The following VPS13B variants were observed in gnomAD, a reference collection of about 807,000 sequenced individuals.
The protein encoded by VPS13B is intermembrane lipid transfer protein VPS13B.
A neutral mutation model predicts 426.4 loss-of-function variants in VPS13B; 285 were observed. That is an observed-to-expected ratio of 0.67 (90% CI 0.61 to 0.74). The LOEUF (loss-of-function observed/expected upper bound fraction) is 0.74, where lower values mean the gene tolerates loss of function less well. VPS13B is among the 30% of genes least tolerant of loss of function. The pLI is 0.00. For missense variants in VPS13B, 4,537 were observed against 4,782.6 expected, an observed-to-expected ratio of 0.95 and a Z score of 1.51; for synonymous variants, 1,676 against 1,676.4, an observed-to-expected ratio of 1.00 and a Z score of 0.01.
chr8:99,076,097 ATTACT>A (rs1270477032), intron 3 of VPS13B, among the ~76,000 whole-genome samples: 3 of 152,056 alleles, frequency 2.0e-5, no homozygotes, highest in African/African-American at 4.8e-5. Context: ...AATGTTTTAA[ATTACT>A]TTATTAATGG....
At chr8:99,262,474 C>T (rs1424178650) in intron 17 of VPS13B, among the ~76,000 whole-genome samples, 1 of 152,072 alleles carries the variant, frequency 6.6e-6, no homozygotes, top group Non-Finnish European at 1.5e-5. Context: ...GTACACCTGT[C>T]TTATTAGTAT....
At chr8:99,337,716 A>G (rs540037672) in intron 19 of VPS13B, among the ~76,000 whole-genome samples, 2 of 152,126 alleles carry the variant, frequency 1.3e-5, no homozygotes, top group South Asian at 2.1e-4. Flanking sequence ...TAAAATTTTA[A>G]TACCTTGGTA....
chr8:99,315,709 T>G (rs1327544697), intron 19 of VPS13B, among the ~76,000 whole-genome samples: 2 of 152,014 alleles, frequency 1.3e-5, no homozygotes, highest in East Asian at 3.9e-4. Flanking sequence ...TGATCTCTGT[T>G]AGCTGCAAGC....
intron 33 of VPS13B, among the ~76,000 whole-genome samples, chr8:99,601,183 T>C (rs955133032): frequency 1.3e-5 from 2 of 152,082 alleles, no homozygotes; most frequent in Non-Finnish European, 2.9e-5. Context: ...CAGTGTGTGA[T>C]GTTCCCTTCC....
intron 19 of VPS13B, among the ~76,000 whole-genome samples, chr8:99,304,709 A>G (rs1354304966): frequency 6.6e-6 from 1 of 152,180 alleles, no homozygotes; most frequent in East Asian, 1.9e-4. Flanking sequence ...TGGTAGTATT[A>G]TCAGTCAATC....
intron 54 of VPS13B, among the ~76,000 whole-genome samples, chr8:99,846,523 A>G (rs369495818): frequency 1.3e-5 from 2 of 152,234 alleles, no homozygotes; most frequent in South Asian, 2.1e-4. Flanking sequence ...GTACCTAACT[A>G]TCTAACCCCT....
At chr8:99,779,278 T>G (rs892886352) in intron 42 of VPS13B, among the ~76,000 whole-genome samples, 2 of 152,210 alleles carry the variant, frequency 1.3e-5, no homozygotes, top group Admixed American at 6.5e-5. Flanking sequence ...TTGTGACTAA[T>G]GCACCACATC....
intron 35 of VPS13B, among the ~76,000 whole-genome samples, chr8:99,676,742 G>A (rs1830950418): frequency 6.6e-6 from 1 of 152,020 alleles, no homozygotes; most frequent in Non-Finnish European, 1.5e-5. Flanking sequence ...ATGAGGGGAT[G>A]ATCGCTGAAG....
chr8:99,644,367 A>G (rs1049595070), intron 34 of VPS13B, among the ~76,000 whole-genome samples: 5 of 152,176 alleles, frequency 3.3e-5, no homozygotes, highest in African/African-American at 9.7e-5. Flanking sequence ...TCATGTGTTT[A>G]TACATTTTCA....
At chr8:99,417,669 A>AT (rs1816102967) in intron 21 of VPS13B, among the ~76,000 whole-genome samples, 1 of 152,198 alleles carries the variant, frequency 6.6e-6, no homozygotes, top group Non-Finnish European at 1.5e-5. Context: ...AGAGACATTC[A>AT]TATCTTTACT....
At chr8:99,187,835 G>A (rs945024935) in intron 16 of VPS13B, among the ~76,000 whole-genome samples, 1 of 150,908 alleles carries the variant, frequency 6.6e-6, no homozygotes, top group African/African-American at 2.5e-5. Context: ...GGGCATGCTG[G>A]TATGCACCCA....
intron 19 of VPS13B, chr8:99,340,804 T>C (rs1256818584): frequency 8.8e-6 from 3 of 339,586 alleles, no homozygotes; most frequent in Non-Finnish European, 1.8e-5. Flanking sequence ...CAGTTGGTGG[T>C]GTGGCACGCG....
intron 19 of VPS13B, among the ~76,000 whole-genome samples, chr8:99,315,646 T>G (rs1182479411): frequency 6.6e-6 from 1 of 151,884 alleles, no homozygotes; most frequent in Non-Finnish European, 1.5e-5. Flanking sequence ...AATTTCTTTT[T>G]TTTTTTTTGA....
chr8:99,104,987 C>T (rs1206679675), intron 5 of VPS13B, among the ~76,000 whole-genome samples: 1 of 152,092 alleles, frequency 6.6e-6, no homozygotes, highest in African/African-American at 2.4e-5. Flanking sequence ...TCATATATTC[C>T]TTTATTCATC....
chr8:99,765,072 C>T (rs1170769378), intron 39 of VPS13B, among the ~76,000 whole-genome samples: 1 of 152,008 alleles, frequency 6.6e-6, no homozygotes, highest in African/African-American at 2.4e-5. Context: ...ATGGCGAAAC[C>T]CCTTCTCTAC....
At chr8:99,171,275 G>C (rs1456266671) in intron 16 of VPS13B, among the ~76,000 whole-genome samples, 1 of 151,832 alleles carries the variant, frequency 6.6e-6, no homozygotes, top group Admixed American at 6.6e-5. Flanking sequence ...ATGGTATGTT[G>C]CATTTGAGTC....
intron 17 of VPS13B, among the ~76,000 whole-genome samples, chr8:99,239,057 T>G (rs1443398012): frequency 6.6e-6 from 1 of 152,162 alleles, no homozygotes; most frequent in African/African-American, 2.4e-5. Context: ...CAGTCCTGTT[T>G]TTGTTGGTGA....
chr8:99,233,159 G>A (rs1816440372), intron 17 of VPS13B: 2 of 1,406,634 alleles, frequency 1.4e-6, no homozygotes, highest in Non-Finnish European at 2.0e-6. Flanking sequence ...GCAAAGAAGT[G>A]CCCGATAATT....
chr8:99,341,754 T>G, intron 19 of VPS13B: 1 of 396,104 alleles, frequency 2.5e-6, no homozygotes, highest in Non-Finnish European at 5.2e-6. Flanking sequence ...ACCAATAACA[T>G]CAGCAATCTG....
Sources: gnomAD v4.1 joint callset for allele counts (sites outside exome capture counted in the v4.1 genomes callset) on GRCh38, gnomAD v4.1.1 for gene constraint, MANE v1.5 for transcripts, NCBI Gene and HGNC (gene_info 2026-07-23, HGNC 2026-07-21) for gene names.